NCALD: variants seen among roughly 807,000 people sequenced by gnomAD.
The protein encoded by NCALD is neurocalcin-delta.
NCALD carries 10 observed loss-of-function variants against 18.6 expected under a neutral mutation model. The observed-to-expected ratio is 0.54, with a 90% confidence interval of 0.33 to 0.91. The LOEUF (loss-of-function observed/expected upper bound fraction) is 0.91. Ranked by LOEUF, NCALD falls within the 40% of genes least tolerant of loss-of-function variation. The probability of loss-of-function intolerance (pLI) is 0.03; values close to 1 mark genes in which losing one functional copy is unlikely to be tolerated. For missense variants in NCALD, 184 were observed against 247.6 expected, an observed-to-expected ratio of 0.74 and a Z score of 1.72; for synonymous variants, 88 against 87.4, an observed-to-expected ratio of 1.01 and a Z score of -0.04.
chr8:102,108,337 C>T (rs567399500), intron 1 of NCALD, among the ~76,000 whole-genome samples: 1 of 152,132 alleles, frequency 6.6e-6, no homozygotes, highest in South Asian at 2.1e-4. Flanking sequence ...ACCTAAATGC[C>T]CAAAGGAAGA....
chr8:101,870,903 C>CA (rs202185578), intron 4 of NCALD, among the ~76,000 whole-genome samples: 936 of 82,668 alleles, frequency 0.011, 39 homozygotes, highest in Middle Eastern at 0.018. Flanking sequence ...CCCCACCCCC[C>CA]CCCCCCAAAA....
intron 1 of NCALD, among the ~76,000 whole-genome samples, chr8:102,042,693 G>C (rs1050770704): frequency 6.9e-6 from 1 of 145,792 alleles, no homozygotes; most frequent in African/African-American, 2.6e-5. Flanking sequence ...GACTCCTTGG[G>C]GTGAAGAAGG....
chr8:102,067,215 C>T (rs1421822700), intron 1 of NCALD, among the ~76,000 whole-genome samples: 1 of 152,168 alleles, frequency 6.6e-6, no homozygotes, highest in African/African-American at 2.4e-5. Context: ...TGTCTTATTT[C>T]TATGTGTGCT....
At chr8:101,764,792 A>G (rs1213797942) in intron 1 of NCALD, among the ~76,000 whole-genome samples, 1 of 152,352 alleles carries the variant, frequency 6.6e-6, no homozygotes, top group South Asian at 2.1e-4. Context: ...GTAGACATTA[A>G]CATCTTTATC....
At chr8:101,959,265 T>A (rs1819749781) in intron 2 of NCALD, among the ~76,000 whole-genome samples, 1 of 152,126 alleles carries the variant, frequency 6.6e-6, no homozygotes. Flanking sequence ...TCTGATGTAT[T>A]CTCACAATTA....
At chr8:102,054,057 C>A (rs935540109) in intron 1 of NCALD, among the ~76,000 whole-genome samples, 1 of 152,102 alleles carries the variant, frequency 6.6e-6, no homozygotes, top group Non-Finnish European at 1.5e-5. Flanking sequence ...CCTCACTGAC[C>A]TTCATGGCAT....
intron 4 of NCALD, among the ~76,000 whole-genome samples, chr8:101,883,596 G>C (rs1411556325): frequency 6.6e-6 from 1 of 152,184 alleles, no homozygotes; most frequent in Non-Finnish European, 1.5e-5. Flanking sequence ...CGAAGTCTTT[G>C]ACCGTGATTT....
intron 4 of NCALD, among the ~76,000 whole-genome samples, chr8:101,833,315 T>G (rs1243433225): frequency 6.6e-6 from 1 of 152,232 alleles, no homozygotes; most frequent in East Asian, 1.9e-4. Context: ...CCACAGACTT[T>G]GAGCACCAAG....
In NCALD at chr8:101,689,566, A is replaced by G. The variant is rs150160786; in HGVS notation, c.485-160T>C. 6.6e-5 allele frequency among the ~76,000 whole-genome samples: 10 copies of G among 152,326 alleles called. No homozygotes were observed. The highest frequency in any genetic ancestry group is 1.2e-4 in the Non-Finnish European group (8 of 68,026). On this transcript the variant is annotated intron_variant, in intron 3 of 3. Transcript: ENST00000220931. The surrounding 1 kb of genome is among the most constrained non-coding windows in gnomAD (Gnocchi z 4.4). ...CTGTCCCGGGGAAGAGCCCAGTGGA[A>G]TCTCCAGGAACACTGCTGCCTCATT...
intron 2 of NCALD, among the ~76,000 whole-genome samples, chr8:101,927,932 A>T (rs1818399043): frequency 6.6e-6 from 1 of 152,090 alleles, no homozygotes; most frequent in Non-Finnish European, 1.5e-5. Context: ...TTTTTAAAAA[A>T]CCTAAAAATA....
intron 3 of NCALD, among the ~76,000 whole-genome samples, chr8:101,913,172 A>G (rs1022328498): frequency 1.3e-5 from 2 of 152,248 alleles, no homozygotes; most frequent in Admixed American, 6.5e-5. Context: ...TCCTGACCCA[A>G]GAAGATGGAA....
At chr8:102,106,039 C>CCACAAA (rs1183914568) in intron 1 of NCALD, among the ~76,000 whole-genome samples, 2 of 151,926 alleles carry the variant, frequency 1.3e-5, no homozygotes, top group Non-Finnish European at 2.9e-5. Flanking sequence ...ACATCCTAGT[C>CCACAAA]CTTTACCACC....
intron 1 of NCALD, among the ~76,000 whole-genome samples, chr8:101,783,027 T>C (rs1057237845): frequency 2.6e-5 from 4 of 152,204 alleles, no homozygotes; most frequent in African/African-American, 7.2e-5. Flanking sequence ...ATCCCGGTTA[T>C]TGAAAAGTCT....
chr8:101,715,615 A>C (rs1178595130), intron 2 of NCALD, among the ~76,000 whole-genome samples: 1 of 152,234 alleles, frequency 6.6e-6, no homozygotes, highest in Non-Finnish European at 1.5e-5. Context: ...ACTTAAACAA[A>C]TTTACAAGAA....
intron 2 of NCALD, among the ~76,000 whole-genome samples, chr8:101,968,338 AT>A (rs1820111157): frequency 6.6e-6 from 1 of 152,182 alleles, no homozygotes; most frequent in Non-Finnish European, 1.5e-5. Context: ...TTTAACTTCC[AT>A]TTCATATAGC....
chr8:101,857,795 C>T (rs1285914601), intron 4 of NCALD, among the ~76,000 whole-genome samples: 4 of 152,168 alleles, frequency 2.6e-5, no homozygotes, highest in Non-Finnish European at 4.4e-5. Context: ...AGGTGGCCAA[C>T]CTGTTTTGGT....
chr8:101,973,096 C>T (rs566584306), intron 2 of NCALD, among the ~76,000 whole-genome samples: 1 of 151,974 alleles, frequency 6.6e-6, no homozygotes, highest in East Asian at 1.9e-4. Flanking sequence ...CCAGGGCCAG[C>T]ACTCTAACAA....
chr8:101,690,573 C>T (rs1814682126), intron 3 of NCALD: 1 of 985,304 alleles, frequency 1.0e-6, no homozygotes, highest in South Asian at 4.7e-5. Flanking sequence ...AGGAGGGGGC[C>T]TCCCCCAACA....
chr8:102,042,069 G>T (rs1338418119), intron 1 of NCALD, among the ~76,000 whole-genome samples: 1 of 151,916 alleles, frequency 6.6e-6, no homozygotes, highest in African/African-American at 2.4e-5. Flanking sequence ...GCAAAGCTTG[G>T]TCTAGGCCTA....
Sources: gnomAD v4.1 joint callset for allele counts (sites outside exome capture counted in the v4.1 genomes callset) on GRCh38, gnomAD v4.1.1 for gene constraint, Gnocchi (gnomAD v3.1) non-coding constraint, MANE v1.5 for transcripts, NCBI Gene and HGNC (gene_info 2026-07-23, HGNC 2026-07-21) for gene names.